INPP5D: variants seen among roughly 807,000 people sequenced by gnomAD.
The protein encoded by INPP5D is phosphatidylinositol 3,4,5-trisphosphate 5-phosphatase 1.
INPP5D carries 33 observed loss-of-function variants against 122.9 expected under a neutral mutation model. That is an observed-to-expected ratio of 0.27 (90% CI 0.20 to 0.36). The LOEUF (loss-of-function observed/expected upper bound fraction) is 0.36, where lower values mean the gene tolerates loss of function less well. Ranked by LOEUF, INPP5D falls within the 10% of genes least tolerant of loss-of-function variation. The probability of loss-of-function intolerance (pLI) is 1.00; values close to 1 mark genes in which losing one functional copy is unlikely to be tolerated. For missense variants in INPP5D, 1,053 were observed against 1,412.7 expected (o/e 0.75, Z 4.08); for synonymous variants, 584 against 576.2 (o/e 1.01, Z -0.19).
In INPP5D at chr2:233,188,149, C is replaced by T. The variant is rs1039711097; in HGVS notation, c.2359-1701C>T. Among the ~76,000 whole-genome samples, 17 of 152,106 alleles carry T rather than the reference C, an allele frequency of 1.1e-4. No individual in the cohort carries two copies. Among genetic ancestry groups the T allele is most frequent in the Admixed American group, 3.3e-4 (5 of 15,284 alleles). On this transcript the variant is annotated intron_variant, in intron 21 of 26. Coordinates refer to ENST00000445964, the MANE Select transcript of INPP5D (RefSeq NM_001017915.3). The surrounding 1 kb of genome is among the most constrained non-coding windows in gnomAD (Gnocchi z 4.7). ...TGATCCTGGAGTCCCCCTCTTTATC[C>T]GGTCGACTCCCTGTTGCCTAGTGAG...
At chr2:233,090,333 A>G (rs1384102900) in intron 2 of INPP5D, among the ~76,000 whole-genome samples, 1 of 152,150 alleles carries the variant, frequency 6.6e-6, no homozygotes, top group African/African-American at 2.4e-5. Context: ...GCAGTTAGTG[A>G]TTTTTATAAA....
chr2:233,204,822 ATG>A, intron 26 of INPP5D, 105 bp downstream of exon 26: 1 of 1,415,554 alleles, frequency 7.1e-7, no homozygotes, highest in Non-Finnish European at 9.2e-7. Context: ...GTGTGCACGC[ATG>A]CATATGTGCG....
chr2:233,194,432 C>T (rs546542040), intron 23 of INPP5D, among the ~76,000 whole-genome samples: 13 of 151,730 alleles, frequency 8.6e-5, no homozygotes, highest in Non-Finnish European at 1.8e-4. Flanking sequence ...GGCCCTCGTA[C>T]GTACCTAAAC....
At chr2:233,157,613 T>C (rs1694087560) in intron 9 of INPP5D, among the ~76,000 whole-genome samples, 1 of 152,184 alleles carries the variant, frequency 6.6e-6, no homozygotes, top group South Asian at 2.1e-4. Flanking sequence ...ACTGAAATTA[T>C]GCATTGGCAG....
At chr2:233,173,187 T>C (rs1385667713) in intron 17 of INPP5D, among the ~76,000 whole-genome samples, 2 of 140,986 alleles carry the variant, frequency 1.4e-5, no homozygotes, top group Non-Finnish European at 3.0e-5. Context: ...CCAGCCTGGG[T>C]GACAGAGCAA....
intron 9 of INPP5D, among the ~76,000 whole-genome samples, chr2:233,150,412 CT>C (rs1693892210): frequency 6.6e-6 from 1 of 152,190 alleles, no homozygotes; most frequent in Non-Finnish European, 1.5e-5. Context: ...CCATGTGGAA[CT>C]GTGAGTCCAT....
Position 233,170,408 on chromosome 2 carries a change from A to T in INPP5D, c.1792-88A>T. The T allele has an allele frequency of 6.4e-7, 1 of 1,573,238 alleles. No individual in the cohort carries two copies. Among genetic ancestry groups the T allele is most frequent in the Non-Finnish European group, 8.6e-7 (1 of 1,158,448 alleles). ...CCACCATCACTCTGCAGCCCGGGTC[A>T]TCCAGCTGCCCGCCCCCAGCCCCGA... On this transcript the variant is annotated intron_variant, in intron 15 of 26. Transcript: ENST00000445964. This position sits in a 1 kb window ranked among gnomAD's most constrained non-coding sequence, Gnocchi z 4.5.
At chr2:233,179,101 G>A (rs779173722) in intron 18 of INPP5D, among the ~76,000 whole-genome samples, 6 of 152,204 alleles carry the variant, frequency 3.9e-5, no homozygotes, top group Non-Finnish European at 8.8e-5. Flanking sequence ...CAGAAGTGAC[G>A]TCACTAGACG....
At chr2:233,161,582 A>G (rs571657761) in intron 10 of INPP5D, 142 bp from the exon 11 acceptor site, 3 of 1,193,038 alleles carry the variant, frequency 2.5e-6, no homozygotes, top group Admixed American at 6.1e-5. Flanking sequence ...GACTTTGGAC[A>G]CATGTTTCCA....
At chr2:233,146,981 T>C (rs976367164) in intron 8 of INPP5D, among the ~76,000 whole-genome samples, 8 of 152,180 alleles carry the variant, frequency 5.3e-5, no homozygotes, top group African/African-American at 1.9e-4. Flanking sequence ...AAGTCCGTTC[T>C]AGACCTGGTG....
In INPP5D at chr2:233,189,546, G is replaced by A. The variant is rs1243656452; in HGVS notation, c.2359-304G>A. Among the ~76,000 whole-genome samples the A allele has an allele frequency of 6.6e-6, 1 of 152,148 alleles. No individual in the cohort carries two copies. Among genetic ancestry groups the A allele is most frequent in the Admixed American group, 6.5e-5 (1 of 15,274 alleles). On this transcript the variant is annotated intron_variant, in intron 21 of 26. Transcript: ENST00000445964. This position sits in a 1 kb window ranked among gnomAD's most constrained non-coding sequence, Gnocchi z 5.6. ...CCCTGGCCTAGGGATGGGAAGGAAC[G>A]GGGGCAATGGATGGGGCCCATCTGG... is the stretch of plus-strand genomic sequence containing the variant.
chr2:233,124,328 C>T (rs1191792568), intron 3 of INPP5D, among the ~76,000 whole-genome samples: 1 of 152,220 alleles, frequency 6.6e-6, no homozygotes, highest in East Asian at 1.9e-4. Context: ...CATCCTTTTT[C>T]TCCCTCACCT....
At chr2:233,081,316 G>T (rs1691682713) in intron 2 of INPP5D, among the ~76,000 whole-genome samples, 1 of 152,174 alleles carries the variant, frequency 6.6e-6, no homozygotes, top group African/African-American at 2.4e-5. Context: ...AGCTTTTCTG[G>T]CAGAGTTGGC....
intron 1 of INPP5D, among the ~76,000 whole-genome samples, chr2:233,068,285 C>CAAAA (rs60089777): frequency 0.04 from 5,074 of 126,946 alleles, 242 homozygotes; most frequent in African/African-American, 0.13. Flanking sequence ...AACTCTGTCT[C>CAAAA]AAAAAAAAAA....
intron 18 of INPP5D, among the ~76,000 whole-genome samples, chr2:233,178,649 A>T (rs1220783312): frequency 6.6e-6 from 1 of 151,798 alleles, no homozygotes; most frequent in Non-Finnish European, 1.5e-5. Flanking sequence ...CGCCTGGCTA[A>T]TTTTTTGTAT....
At chr2:233,108,929 C>G (rs572765843) in intron 2 of INPP5D, among the ~76,000 whole-genome samples, 1 of 152,346 alleles carries the variant, frequency 6.6e-6, no homozygotes, top group Admixed American at 6.5e-5. Context: ...AGGGGACAAC[C>G]CCCTGCCCAG....
intron 5 of INPP5D, among the ~76,000 whole-genome samples, chr2:233,134,341 G>T (rs1693410347): frequency 6.6e-6 from 1 of 152,078 alleles, no homozygotes; most frequent in African/African-American, 2.4e-5. Flanking sequence ...TAAGGTCACT[G>T]CAGGTGAGAG....
intron 3 of INPP5D, 33 bp from the exon 4 acceptor site, chr2:233,125,712 C>T (rs962139763): frequency 6.3e-7 from 1 of 1,593,804 alleles, no homozygotes; most frequent in Non-Finnish European, 8.6e-7. Flanking sequence ...CGCACAGTGT[C>T]CTCACCAATG....
At chr2:233,113,085 C>G (rs996813952) in intron 2 of INPP5D, among the ~76,000 whole-genome samples, 3 of 152,178 alleles carry the variant, frequency 2.0e-5, no homozygotes, top group Admixed American at 1.3e-4. Flanking sequence ...AGTGAGAAGC[C>G]TGGCTCCTGC....
Sources: allele counts gnomAD v4.1 joint callset (sites outside exome capture counted in the v4.1 genomes callset), GRCh38; gene constraint gnomAD v4.1.1; non-coding constraint Gnocchi (gnomAD v3.1); transcripts MANE v1.5; gene names NCBI Gene and HGNC (gene_info 2026-07-23, HGNC 2026-07-21).